The following SLC6A6 variants were observed in gnomAD, a reference collection of about 807,000 sequenced individuals.
The protein encoded by SLC6A6 is sodium- and chloride-dependent taurine transporter.
SLC6A6 carries 16 observed loss-of-function variants against 68.8 expected under a neutral mutation model. The ratio of observed to expected loss-of-function variants is 0.23; its 90% CI spans 0.16 to 0.35. The LOEUF is 0.35. Among genes scored for constraint, SLC6A6 ranks in the 10% least tolerant of loss-of-function variants. SLC6A6 has a pLI of 1.00. For synonymous variants in SLC6A6, 312 were observed against 315.4 expected, an observed-to-expected ratio of 0.99 and a Z score of 0.12; for missense variants, 474 against 802.8, an observed-to-expected ratio of 0.59 and a Z score of 4.95.
intron 1 of SLC6A6, among the ~76,000 whole-genome samples, chr3:14,403,074 G>A (rs979383183): frequency 2.4e-5 from 3 of 122,750 alleles, no homozygotes; most frequent in Admixed American, 1.8e-4. Flanking sequence ...CGGGCGGCAG[G>A]AGAGTGTGTG....
At chr3:14,423,567 G>A (rs958889164) in intron 2 of SLC6A6, among the ~76,000 whole-genome samples, 1 of 152,022 alleles carries the variant, frequency 6.6e-6, no homozygotes, top group Non-Finnish European at 1.5e-5. Context: ...CCTGCTCAAG[G>A]TCACACAGCA....
At chr3:14,417,482 A>G (rs1699386970) in intron 2 of SLC6A6, among the ~76,000 whole-genome samples, 1 of 151,822 alleles carries the variant, frequency 6.6e-6, no homozygotes, top group African/African-American at 2.4e-5. Flanking sequence ...CTGGGATCCC[A>G]GCACTTTGGG....
intron 9 of SLC6A6, among the ~76,000 whole-genome samples, chr3:14,469,317 G>A (rs1700699648): frequency 6.6e-6 from 1 of 152,120 alleles, no homozygotes; most frequent in Non-Finnish European, 1.5e-5. Context: ...CGAAGGGAGA[G>A]CGTGGGGGTT....
chr3:14,473,470 C>T (rs1052001377), intron 10 of SLC6A6, among the ~76,000 whole-genome samples: 6 of 152,068 alleles, frequency 3.9e-5, no homozygotes, highest in Non-Finnish European at 8.8e-5. Context: ...ACCCTTTGTC[C>T]CCCTCCCCGC....
At chr3:14,459,488 T>C (rs1700446245) in intron 6 of SLC6A6, among the ~76,000 whole-genome samples, 1 of 151,986 alleles carries the variant, frequency 6.6e-6, no homozygotes, top group African/African-American at 2.4e-5. Flanking sequence ...GCCCTCTGCT[T>C]GTTTCTTGGG....
chr3:14,433,270 C>A (rs1053919889), intron 2 of SLC6A6, among the ~76,000 whole-genome samples: 4 of 152,100 alleles, frequency 2.6e-5, no homozygotes, highest in African/African-American at 4.8e-5. Flanking sequence ...GGGCAGATGA[C>A]TTCCCAAGAG....
intron 6 of SLC6A6, among the ~76,000 whole-genome samples, chr3:14,463,607 G>C (rs980835144): frequency 1.3e-5 from 2 of 152,352 alleles, no homozygotes; most frequent in Non-Finnish European, 2.9e-5. Context: ...GGAACTGGTC[G>C]GGGCGCCTGG....
intron 2 of SLC6A6, among the ~76,000 whole-genome samples, chr3:14,423,833 A>G (rs1559288491): frequency 1.3e-5 from 2 of 152,202 alleles, no homozygotes; most frequent in South Asian, 4.1e-4. Flanking sequence ...ATTTATTCAC[A>G]TTTAACAATC....
chr3:14,418,633 T>C (rs906919876), intron 2 of SLC6A6, among the ~76,000 whole-genome samples: 3 of 152,256 alleles, frequency 2.0e-5, no homozygotes, highest in African/African-American at 4.8e-5. Flanking sequence ...AGAGGTTTAC[T>C]GTGTTAACTC....
chr3:14,453,173 A>T (rs954004182), intron 5 of SLC6A6, among the ~76,000 whole-genome samples: 3 of 152,182 alleles, frequency 2.0e-5, no homozygotes, highest in Non-Finnish European at 4.4e-5. Context: ...AGTCAAAAGG[A>T]AACGATTTGG....
At chr3:14,476,656 G>C (rs1273173924) in intron 10 of SLC6A6, among the ~76,000 whole-genome samples, 2 of 152,218 alleles carry the variant, frequency 1.3e-5, no homozygotes, top group African/African-American at 2.4e-5. Context: ...CCCCTGACCT[G>C]CCAAGCAAGT....
At position 14,478,500 on chromosome 3, in the gene SLC6A6, A is replaced by G; in HGVS notation, c.1382A>G (p.Tyr461Cys). 1 of 1,613,762 alleles carries G rather than the reference A, an allele frequency of 6.2e-7. No homozygotes were observed. Among genetic ancestry groups the G allele is most frequent in the Non-Finnish European group, 8.5e-7 (1 of 1,179,710 alleles). Residue 461 changes from tyrosine (Y) to cysteine (C), a missense_variant, in exon 12 of 15, where the codon TAT becomes TGT. Coordinates refer to ENST00000622186, the MANE Select transcript of SLC6A6 (RefSeq NM_003043.6). ...TATGTGTTTCAGCTCTTTGACTACT[A>G]TGCAGCTAGCGGTGTATGCCTTTTG... is the stretch of plus-strand genomic sequence containing the variant. ...GMYVFQLFDY[Y>C]AASGVCLLWV...
At chr3:14,463,880 C>T (rs1700553955) in intron 6 of SLC6A6, among the ~76,000 whole-genome samples, 1 of 152,208 alleles carries the variant, frequency 6.6e-6, no homozygotes, top group African/African-American at 2.4e-5. Flanking sequence ...CCTGACAGTG[C>T]CGGCCAAAGA....
At chr3:14,423,224 G>T (rs1260394861) in intron 2 of SLC6A6, among the ~76,000 whole-genome samples, 1 of 152,218 alleles carries the variant, frequency 6.6e-6, no homozygotes, top group Non-Finnish European at 1.5e-5. Flanking sequence ...GGAAGAAGGG[G>T]ACGAAGTGCC....
At position 14,481,683 on chromosome 3, in the gene SLC6A6, T is replaced by A; in HGVS notation, c.1564T>A (p.Phe522Ile). ...CATCTCTCCGCAGGGATGTTTCATCTTCTCGCTCGTCAAGTACGTACCCCT... is the reference window on the plus strand; with the variant it reads ...CATCTCTCCGCAGGGATGTTTCATCATCTCGCTCGTCAAGTACGTACCCCT... The part of the protein sequence containing the change: ...TPVLCVGCFI[F>I]SLVKYVPLTY... Residue 522 changes from phenylalanine (F) to isoleucine (I), a missense_variant, in exon 14 of 15, where the codon TTC (phenylalanine) becomes ATC (isoleucine). Transcript: ENST00000622186. The surrounding 1 kb of genome is among the most constrained non-coding windows in gnomAD (Gnocchi z 4.7). 1 of 1,611,434 alleles carries A rather than the reference T, an allele frequency of 6.2e-7. No homozygotes were observed.
chr3:14,479,091 A>G lies in SLC6A6; in HGVS notation c.1457A>G (p.Asp486Gly). ...CCCCCTCTGTCTCTTGCAGGAGGTG[A>G]TAACCTTTATGATGGTATTGAGGAC... is the stretch of plus-strand genomic sequence containing the variant. ...CFVIAWIYGG[D>G]NLYDGIEDMI... Residue 486 changes from aspartate to glycine, a missense_variant, in exon 13 of 15, where the codon GAT (aspartate) becomes GGT (glycine). Around this residue, in one of 2 missense-constraint regions of SLC6A6, gnomAD observed 194 missense variants for 269.8 expected, o/e 0.72. Transcript: ENST00000622186. 2 of 1,609,586 alleles carry G rather than the reference A, an allele frequency of 1.2e-6. No homozygotes were observed. The highest frequency in any genetic ancestry group is 1.7e-6 in the Non-Finnish European group (2 of 1,175,880).
At chr3:14,422,074 C>G (rs1020029861) in intron 2 of SLC6A6, among the ~76,000 whole-genome samples, 3 of 152,150 alleles carry the variant, frequency 2.0e-5, no homozygotes, top group Admixed American at 6.5e-5. Flanking sequence ...GAGGGGAGTT[C>G]CTGGAAGGCA....
chr3:14,442,317 C>T lies in SLC6A6; in HGVS notation c.-11-1307C>T, dbSNP rs146962947. ...TGTCCCAGACTGCTTGGCTCTGAGT[C>T]AGCCACTTCTGCTGTCATCCTTTTT... On this transcript the variant is annotated intron_variant, in intron 2 of 14. Coordinates refer to ENST00000622186, the MANE Select transcript of SLC6A6 (RefSeq NM_003043.6). Among the ~76,000 whole-genome samples, 12 of 152,340 alleles carry T rather than the reference C, an allele frequency of 7.9e-5. No individual in the cohort carries two copies. The South Asian group carries it at 1.0e-3, about 13-fold the overall frequency.
At position 14,450,844 on chromosome 3, in the gene SLC6A6, T is replaced by C. The variant is rs1274653633; in HGVS notation, c.599+3028T>C. 6.6e-6 allele frequency among the ~76,000 whole-genome samples: 1 copy of C among 152,238 alleles called. No individual in the cohort carries two copies. The highest frequency in any genetic ancestry group is 2.4e-5 in the African/African-American group (1 of 41,460). On this transcript the variant is annotated intron_variant, in intron 5 of 14. Transcript: ENST00000622186. This position sits in a 1 kb window ranked among gnomAD's most constrained non-coding sequence, Gnocchi z 4.1. ...GGCAAGAGAACCAGTAGGGAATAGT[T>C]GACTCCTGTGAGCATAGTACTAGGA...
Sources: allele counts gnomAD v4.1 joint callset (sites outside exome capture counted in the v4.1 genomes callset), GRCh38; gene constraint gnomAD v4.1.1; regional missense constraint gnomAD v4.1.1; non-coding constraint Gnocchi (gnomAD v3.1); transcripts MANE v1.5; gene names NCBI Gene and HGNC (gene_info 2026-07-23, HGNC 2026-07-21).